Variants in DTNBP1 observed in about 807,000 individuals in gnomAD.
DTNBP1 encodes the protein dysbindin.
In DTNBP1, 35 loss-of-function variants were observed where a neutral mutation model predicts 42.8. That is an observed-to-expected ratio of 0.82 (90% CI 0.63 to 1.09). The LOEUF is 1.09. Among genes scored for constraint, DTNBP1 ranks in the 50% least tolerant of loss-of-function variants. The pLI is 0.00. For synonymous variants in DTNBP1, 171 were observed against 162.2 expected (o/e 1.05, Z -0.41); for missense variants, 457 against 424.2 (o/e 1.08, Z -0.68).
chr6:15,648,418 G>T (rs1393194044), intron 3 of DTNBP1, among the ~76,000 whole-genome samples: 1 of 151,880 alleles, frequency 6.6e-6, no homozygotes, highest in Non-Finnish European at 1.5e-5. Context: ...CAAGAAAAAA[G>T]AAATAAAAGG....
rs1772130643 is a variant in DTNBP1, at chr6:15,523,870, AC to A, written c.812-652del. On this transcript the variant is annotated intron_variant, in intron 9 of 9. Transcript: ENST00000344537. The stretch of plus-strand genomic sequence containing the variant: ...GGTGAGAAGTTTAGAGGAAGCTGAA[AC>A]CGTGGTAATGGTAGAACCTTCTACA... The A allele has an allele frequency of 2.3e-6, 3 of 1,287,134 alleles. No homozygotes were observed. In the East Asian group the frequency reaches 1.7e-4, roughly 71 times the overall value. The allele number at this position is 1,287,134 out of a possible 1,614,324, so 79.7% of individuals were successfully genotyped here. A position where few individuals can be genotyped will look rare whatever the true frequency, so the allele number is the denominator to read the frequency against.
At chr6:15,602,108 T>C (rs1776754549) in intron 6 of DTNBP1, among the ~76,000 whole-genome samples, 2 of 152,008 alleles carry the variant, frequency 1.3e-5, no homozygotes, top group Admixed American at 1.3e-4. Context: ...AACAAAAAAC[T>C]ATCTCCAGTA....
At chr6:15,605,168 TAAG>T (rs1182688538) in intron 6 of DTNBP1, among the ~76,000 whole-genome samples, 4 of 152,164 alleles carry the variant, frequency 2.6e-5, no homozygotes, top group African/African-American at 4.8e-5. Context: ...AACTTGGAAA[TAAG>T]AAATATTTTA....
At chr6:15,583,968 T>C (rs139412217) in intron 7 of DTNBP1, among the ~76,000 whole-genome samples, 2 of 152,300 alleles carry the variant, frequency 1.3e-5, no homozygotes, top group East Asian at 1.9e-4. Flanking sequence ...TTTCAGGTCA[T>C]GCCCAGTATG....
At chr6:15,627,588 A>G (rs979446358) in intron 4 of DTNBP1, 113 bp from the exon 5 acceptor site, 2 of 1,390,940 alleles carry the variant, frequency 1.4e-6, no homozygotes, top group Admixed American at 4.5e-5. Context: ...CTCAGTAGAG[A>G]TTACGGTACA....
intron 7 of DTNBP1, among the ~76,000 whole-genome samples, chr6:15,563,600 T>C (rs77405716): frequency 0.027 from 4,063 of 152,286 alleles, 71 homozygotes; most frequent in Non-Finnish European, 0.043. Context: ...AAGCAAATCC[T>C]GAATTACAGT....
At chr6:15,616,970 TACA>T (rs1283663774) in intron 5 of DTNBP1, among the ~76,000 whole-genome samples, 1 of 152,166 alleles carries the variant, frequency 6.6e-6, no homozygotes, top group African/African-American at 2.4e-5. Context: ...AGCATTTCTA[TACA>T]ACAACAATGA....
chr6:15,530,863 C>T (rs889831690), intron 8 of DTNBP1, among the ~76,000 whole-genome samples: 4 of 152,168 alleles, frequency 2.6e-5, no homozygotes, highest in Non-Finnish European at 5.9e-5. Context: ...TGCGATGTGT[C>T]ATTATGTTCA....
chr6:15,580,101 C>A (rs1195572391), intron 7 of DTNBP1, among the ~76,000 whole-genome samples: 1 of 152,030 alleles, frequency 6.6e-6, no homozygotes, highest in African/African-American at 2.4e-5. Context: ...CAATTTGAAA[C>A]CCTTAATATG....
chr6:15,565,841 A>G (rs1775046943), intron 7 of DTNBP1, among the ~76,000 whole-genome samples: 1 of 152,240 alleles, frequency 6.6e-6, no homozygotes, highest in Non-Finnish European at 1.5e-5. Flanking sequence ...TGTAGATTAT[A>G]CCTCAATAAA....
intron 7 of DTNBP1, among the ~76,000 whole-genome samples, chr6:15,555,038 G>A (rs570173430): frequency 2.6e-5 from 4 of 151,682 alleles, no homozygotes; most frequent in African/African-American, 9.7e-5. Flanking sequence ...AGCCAGGGAG[G>A]GGGGCATATG....
At chr6:15,597,096 T>C (rs1412988782) in intron 6 of DTNBP1, among the ~76,000 whole-genome samples, 1 of 152,194 alleles carries the variant, frequency 6.6e-6, no homozygotes, top group Non-Finnish European at 1.5e-5. Flanking sequence ...ACTATGATAA[T>C]GTTAGGAATA....
At chr6:15,612,418 A>G (rs1284968577) in intron 6 of DTNBP1, among the ~76,000 whole-genome samples, 3 of 152,252 alleles carry the variant, frequency 2.0e-5, no homozygotes, top group African/African-American at 4.8e-5. Context: ...AGAATCCACA[A>G]TATCTTTGAG....
At chr6:15,655,373 C>T (rs938841404) in intron 1 of DTNBP1, among the ~76,000 whole-genome samples, 1 of 152,148 alleles carries the variant, frequency 6.6e-6, no homozygotes, top group Non-Finnish European at 1.5e-5. Context: ...TATCCTCCCA[C>T]CTCAGCCTCC....
chr6:15,604,745 CA>C (rs1223935253), intron 6 of DTNBP1, among the ~76,000 whole-genome samples: 6 of 148,286 alleles, frequency 4.0e-5, no homozygotes, highest in African/African-American at 1.3e-4. Flanking sequence ...CAAATGTTAC[CA>C]AAAAACAAAA....
intron 7 of DTNBP1, among the ~76,000 whole-genome samples, chr6:15,581,187 T>C (rs1049363240): frequency 6.6e-6 from 1 of 152,130 alleles, no homozygotes; most frequent in African/African-American, 2.4e-5. Flanking sequence ...TCTTTTTCTG[T>C]TTTCTTTTTT....
At chr6:15,585,709 T>C (rs1233821773) in intron 7 of DTNBP1, 1 of 1,534,486 alleles carries the variant, frequency 6.5e-7, no homozygotes, top group Non-Finnish European at 8.7e-7. Flanking sequence ...GAAAATAAAG[T>C]TCCACCTACA....
At chr6:15,622,261 A>G (rs1394086759) in intron 5 of DTNBP1, among the ~76,000 whole-genome samples, 4 of 152,216 alleles carry the variant, frequency 2.6e-5, no homozygotes, top group Admixed American at 2.6e-4. Context: ...TTAGTATATT[A>G]AACCAGGTCA....
chr6:15,533,101 C>T, intron 8 of DTNBP1, 139 bp downstream of exon 8: 1 of 1,329,302 alleles, frequency 7.5e-7, no homozygotes, highest in Non-Finnish European at 1.0e-6. Flanking sequence ...GCCCGACGCA[C>T]ACATTTTGGT....
Sources: allele counts gnomAD v4.1 joint callset (sites outside exome capture counted in the v4.1 genomes callset), GRCh38; gene constraint gnomAD v4.1.1; transcripts MANE v1.5; gene names NCBI Gene and HGNC (gene_info 2026-07-23, HGNC 2026-07-21).